The following HPSE2 variants were observed in gnomAD, a reference collection of about 807,000 sequenced individuals.
The protein encoded by HPSE2 is inactive heparanase-2.
In HPSE2, 38 loss-of-function variants were observed where a neutral mutation model predicts 60.5. The observed-to-expected ratio is 0.63, with a 90% CI of 0.48 to 0.82. The LOEUF is 0.82. Ranked by LOEUF, HPSE2 falls within the 40% of genes least tolerant of loss-of-function variation. The probability of loss-of-function intolerance (pLI) is 0.00; values close to 1 mark genes in which losing one functional copy is unlikely to be tolerated. For synonymous variants in HPSE2, 295 were observed against 293.2 expected (o/e 1.01, Z -0.06); for missense variants, 713 against 740.4 (o/e 0.96, Z 0.43).
At chr10:99,076,279 T>A (rs1398493644) in intron 3 of HPSE2, among the ~76,000 whole-genome samples, 2 of 152,216 alleles carry the variant, frequency 1.3e-5, no homozygotes, top group Non-Finnish European at 2.9e-5. Flanking sequence ...TAATCTGTTT[T>A]AAGCTGATAA....
intron 3 of HPSE2, among the ~76,000 whole-genome samples, chr10:99,130,978 G>A (rs987176518): frequency 1.3e-5 from 2 of 152,134 alleles, no homozygotes; most frequent in African/African-American, 4.8e-5. Context: ...ACAAGGCTAG[G>A]TGATTAAAGG....
At chr10:98,749,223 CCAAA>C (rs1284213574) in intron 3 of HPSE2, among the ~76,000 whole-genome samples, 5 of 151,854 alleles carry the variant, frequency 3.3e-5, no homozygotes, top group African/African-American at 1.2e-4. Context: ...ACTTTAAAAA[CCAAA>C]CAGACAAGCA....
chr10:99,272,736 T>G, the HPSE2 span, among the ~76,000 whole-genome samples: 38 of 152,198 alleles, frequency 2.5e-4, no homozygotes, highest in African/African-American at 8.9e-4. Flanking sequence ...ACCTTACTCC[T>G]GCAAGTGTGG....
chr10:98,502,841 C>A (rs367590197), intron 9 of HPSE2, among the ~76,000 whole-genome samples: 2 of 152,108 alleles, frequency 1.3e-5, no homozygotes, highest in Non-Finnish European at 2.9e-5. Context: ...AACAAACAAT[C>A]CATCAAAAAG....
At chr10:98,905,295 T>C (rs746868304) in intron 3 of HPSE2, among the ~76,000 whole-genome samples, 80 of 151,606 alleles carry the variant, frequency 5.3e-4, no homozygotes, top group Non-Finnish European at 9.1e-4. Flanking sequence ...TATCTCCCAA[T>C]GCTATCCCTC....
the HPSE2 span, among the ~76,000 whole-genome samples, chr10:99,288,101 G>A: frequency 3.3e-5 from 5 of 152,308 alleles, no homozygotes; most frequent in Middle Eastern, 3.4e-3. Flanking sequence ...TTAACATGAT[G>A]AGAGTGAGAG....
chr10:98,574,704 T>G (rs1944595662), intron 9 of HPSE2, among the ~76,000 whole-genome samples: 1 of 152,196 alleles, frequency 6.6e-6, no homozygotes, highest in South Asian at 2.1e-4. Context: ...GAAGAAGGTC[T>G]ACTTCAACCA....
At chr10:98,651,953 G>A (rs1257159426) in intron 6 of HPSE2, among the ~76,000 whole-genome samples, 2 of 151,848 alleles carry the variant, frequency 1.3e-5, no homozygotes, top group Non-Finnish European at 2.9e-5. Context: ...TGTATTTTTG[G>A]TAGAGACAGG....
chr10:99,063,109 A>G (rs531975376), intron 3 of HPSE2, among the ~76,000 whole-genome samples: 7 of 152,354 alleles, frequency 4.6e-5, no homozygotes, highest in Admixed American at 6.5e-5. Context: ...TGATGATGAT[A>G]GTAATTCTTA....
chr10:99,235,690 G>C lies in HPSE2; in HGVS notation c.113C>G (p.Ser38Cys), dbSNP rs1172514513. ...GGGTCTCCTGTCTCCAGCCTGGGAG[G>C]AAAGGGAGAGATGGAGCAACAGAGC... ...YLALLLHLSL[S>C]SQAGDRRPLP... Residue 38 changes from serine to cysteine, a missense_variant, in exon 1 of 12, where the codon TCC becomes TGC. By Grantham distance (112) the Ser-to-Cys change is moderately radical. Coordinates refer to ENST00000370552, the MANE Select transcript of HPSE2 (RefSeq NM_021828.5). 6.2e-7 allele frequency: 1 copy of C among 1,613,946 alleles called. No individual in the cohort carries two copies. The highest frequency in any genetic ancestry group is 2.2e-5 in the East Asian group (1 of 44,850).
At chr10:99,297,125 C>T in the HPSE2 span, among the ~76,000 whole-genome samples, 5 of 151,824 alleles carry the variant, frequency 3.3e-5, no homozygotes, top group Non-Finnish European at 7.4e-5. Flanking sequence ...GCCTGCTTCT[C>T]CCCACCGCAG....
intron 9 of HPSE2, among the ~76,000 whole-genome samples, chr10:98,564,602 A>G (rs936327078): frequency 6.6e-6 from 1 of 152,212 alleles, no homozygotes; most frequent in African/African-American, 2.4e-5. Flanking sequence ...GCACAAAGCA[A>G]TTTTTGTTTG....
intron 3 of HPSE2, among the ~76,000 whole-genome samples, chr10:99,020,804 G>A (rs189407611): frequency 1.3e-5 from 2 of 152,248 alleles, no homozygotes; most frequent in East Asian, 3.9e-4. Context: ...GACAGGTGAA[G>A]GGAGACATTC....
chr10:98,632,529 A>G (rs1056556521), intron 7 of HPSE2, among the ~76,000 whole-genome samples: 1 of 152,208 alleles, frequency 6.6e-6, no homozygotes, highest in Non-Finnish European at 1.5e-5. Context: ...CTTTCAGGTT[A>G]GACTCCCCAA....
chr10:98,962,700 A>C (rs1955710069), intron 3 of HPSE2, among the ~76,000 whole-genome samples: 1 of 150,116 alleles, frequency 6.7e-6, no homozygotes, highest in Admixed American at 6.7e-5. Flanking sequence ...TCAGCCCAAA[A>C]TCTCCTTAAG....
chr10:98,765,643 G>A (rs2134401924), intron 3 of HPSE2, among the ~76,000 whole-genome samples: 1 of 152,114 alleles, frequency 6.6e-6, no homozygotes, highest in Admixed American at 6.5e-5. Context: ...TTCAAGACCA[G>A]CCTGGCCAAG....
chr10:99,234,837 G>C (rs1353029784), intron 1 of HPSE2, among the ~76,000 whole-genome samples: 1 of 151,818 alleles, frequency 6.6e-6, no homozygotes, highest in African/African-American at 2.4e-5. Context: ...TACCGCAGGA[G>C]ATTTAAGGAG....
At chr10:98,792,444 A>G (rs1950676050) in intron 3 of HPSE2, among the ~76,000 whole-genome samples, 1 of 152,176 alleles carries the variant, frequency 6.6e-6, no homozygotes, top group African/African-American at 2.4e-5. Context: ...GTAACTCCAC[A>G]TAAGTCAAAC....
chr10:99,134,417 C>A (rs1486453354), intron 3 of HPSE2, among the ~76,000 whole-genome samples: 1 of 152,064 alleles, frequency 6.6e-6, no homozygotes, highest in Non-Finnish European at 1.5e-5. Flanking sequence ...GACACATTAT[C>A]GTCAGATTCA....
Sources: gnomAD v4.1 joint callset for allele counts (sites outside exome capture counted in the v4.1 genomes callset) on GRCh38, gnomAD v4.1.1 for gene constraint, MANE v1.5 for transcripts, NCBI Gene and HGNC (gene_info 2026-07-23, HGNC 2026-07-21) for gene names.